Variants in ZNF808 observed in about 807,000 individuals in gnomAD.
ZNF808 encodes the protein zinc finger protein 808.
In ZNF808, 5 loss-of-function variants were observed where a neutral mutation model predicts 8.7. That is an observed-to-expected ratio of 0.58 (90% confidence interval 0.30 to 1.21). ZNF808 has a LOEUF of 1.21. Among genes scored for constraint, ZNF808 ranks in the 50% most tolerant of loss-of-function variants. ZNF808 has a pLI of 0.07. For missense variants in ZNF808, 1,103 were observed against 1,098.4 expected (o/e 1.00, Z -0.06); for synonymous variants, 380 against 366.0 (o/e 1.04, Z -0.44).
intron 2 of ZNF808, among the ~76,000 whole-genome samples, chr19:52,533,518 G>A (rs2059578141): frequency 6.6e-6 from 1 of 151,556 alleles, no homozygotes; most frequent in South Asian, 2.1e-4. Context: ...GAGCCACTGC[G>A]CCCGGCCCAG....
chr19:52,528,219 C>T (rs2059528163), intron 1 of ZNF808, among the ~76,000 whole-genome samples: 1 of 152,182 alleles, frequency 6.6e-6, no homozygotes, highest in South Asian at 2.1e-4. Flanking sequence ...GGTCTCTCCT[C>T]CGCAGTCACC....
chr19:52,533,260 C>T (rs993775060), intron 2 of ZNF808, among the ~76,000 whole-genome samples: 5 of 152,094 alleles, frequency 3.3e-5, no homozygotes, highest in Middle Eastern at 3.4e-3. Flanking sequence ...CAGTTTCGCT[C>T]TTGTTGCCCA....
At chr19:52,535,194 C>T (rs2059593784) in intron 2 of ZNF808, among the ~76,000 whole-genome samples, 1 of 151,288 alleles carries the variant, frequency 6.6e-6, no homozygotes, top group South Asian at 2.1e-4. Context: ...AGCCGAGCGT[C>T]GTGGTGGGCG....
downstream of ZNF808, among the ~76,000 whole-genome samples, chr19:52,558,599 T>G (rs1250293860): frequency 3.3e-5 from 5 of 151,884 alleles, no homozygotes; most frequent in East Asian, 1.9e-4. Flanking sequence ...CTTGAACTCC[T>G]GACCTCGTGA....
intron 2 of ZNF808, among the ~76,000 whole-genome samples, chr19:52,538,086 C>T (rs994860780): frequency 6.6e-6 from 1 of 152,144 alleles, no homozygotes; most frequent in Non-Finnish European, 1.5e-5. Flanking sequence ...TCTACTCTAA[C>T]TGCAGCCTCG....
chr19:52,539,184 A>ATTTTTTTTTTTTT (rs3049209), intron 2 of ZNF808, among the ~76,000 whole-genome samples: 1 of 117,754 alleles, frequency 8.5e-6, no homozygotes. Context: ...TCTTCATTTC[A>ATTTTTTTTTTTTT]TTTTTTTTTT....
intron 4 of ZNF808, among the ~76,000 whole-genome samples, chr19:52,551,361 A>G (rs11667102): frequency 0.05 from 7,651 of 151,940 alleles, 263 homozygotes; most frequent in Non-Finnish European, 0.075. Context: ...GCCACCAAAA[A>G]AAAAAAAAAA....
At chr19:52,544,065 A>G (rs1464236748) in intron 3 of ZNF808, among the ~76,000 whole-genome samples, 1 of 152,108 alleles carries the variant, frequency 6.6e-6, no homozygotes, top group Non-Finnish European at 1.5e-5. Flanking sequence ...AGGCTGAGGT[A>G]GGAGAATCAC....
chr19:52,544,541 T>C (rs975530279), intron 3 of ZNF808, among the ~76,000 whole-genome samples: 21 of 152,118 alleles, frequency 1.4e-4, no homozygotes, highest in African/African-American at 4.6e-4. Flanking sequence ...ATGTTCGTTA[T>C]GCTGATCTGG....
chr19:52,549,681 A>G (rs373535121), intron 4 of ZNF808, among the ~76,000 whole-genome samples: 6 of 151,842 alleles, frequency 4.0e-5, no homozygotes, highest in African/African-American at 1.5e-4. Context: ...CTACATGCCC[A>G]TTACTTCCTG....
At chr19:52,527,971 T>A (rs1308221971) in intron 1 of ZNF808, 1 of 152,424 alleles carries the variant, frequency 6.6e-6, no homozygotes, top group Non-Finnish European at 1.5e-5. Flanking sequence ...CTCAAAACCT[T>A]CTTCTGACTC....
chr19:52,558,286 T>C (rs951698959), downstream of ZNF808, among the ~76,000 whole-genome samples: 5 of 150,938 alleles, frequency 3.3e-5, no homozygotes, highest in Non-Finnish European at 7.4e-5. Context: ...CTGGTCTCGA[T>C]CTCCTGACCT....
Position 52,530,392 on chromosome 19 carries a change from G to C in ZNF808, c.-121-2516G>C, listed in dbSNP as rs565215863. On this transcript the variant is annotated intron_variant, in intron 1 of 4. Coordinates refer to ENST00000359798, the MANE Select transcript of ZNF808 (RefSeq NM_001039886.4). ...GTTTTTAAAAGGGACATCAAGGCAT[G>C]GTGGCTCACGCCTGTAATCCCAGCA... is the stretch of plus-strand genomic sequence containing the variant. Among the ~76,000 whole-genome samples the C allele has an allele frequency of 2.8e-4, 42 of 152,256 alleles. 1 individual carries two copies. The highest frequency in any genetic ancestry group is 2.0e-3 in the Admixed American group (31 of 15,308).
chr19:52,535,289 C>CA (rs2059594938), intron 2 of ZNF808, among the ~76,000 whole-genome samples: 1 of 137,502 alleles, frequency 7.3e-6, no homozygotes, highest in Non-Finnish European at 1.5e-5. Flanking sequence ...CAAAATCGTG[C>CA]CACTGCACTC....
chr19:52,555,582 C>G lies in ZNF808; in HGVS notation c.2666C>G (p.Thr889Arg). ...ECGKAFSDRSTLIHHQAIHGI... is the reference protein window; with the variant it reads ...ECGKAFSDRSRLIHHQAIHGI... Reference sequence around the variant, plus strand: ...GGCAAAGCCTTTAGTGACCGGTCAACACTTATTCACCATCAGGCAATTCAT... The same window carrying G: ...GGCAAAGCCTTTAGTGACCGGTCAAGACTTATTCACCATCAGGCAATTCAT... Residue 889 changes from threonine (T) to arginine (R), a missense_variant, in exon 5 of 5, where the codon ACA (threonine) becomes AGA (arginine). Physicochemically the swap from Thr to Arg is moderately conservative, Grantham distance 71. Transcript: ENST00000359798. 6.2e-7 allele frequency: 1 copy of G among 1,611,036 alleles called. No homozygotes were observed. The highest frequency in any genetic ancestry group is 1.3e-5 in the African/African-American group (1 of 74,854).
Position 52,553,788 on chromosome 19 carries a change from A to T in ZNF808, c.872A>T (p.Glu291Val). The change falls in exon 5 of 5, where the codon GAG becomes GTG. Residue 291 changes from glutamate (E) to valine (V), a missense_variant. By Grantham distance (121) the Glu-to-Val change is moderately radical. Transcript: ENST00000359798. ...GGAGAGAAACCTTACAAGTGTAAAGAGTGTGGAAAGTCCTTCAGTTACAAG... is the reference window on the plus strand; with the variant it reads ...GGAGAGAAACCTTACAAGTGTAAAGTGTGTGGAAAGTCCTTCAGTTACAAG... ...HTGEKPYKCK[E>V]CGKSFSYKSS... 1 of 1,614,150 alleles carries T rather than the reference A, an allele frequency of 6.2e-7. No individual in the cohort carries two copies. The highest frequency in any genetic ancestry group is 8.5e-7 in the Non-Finnish European group (1 of 1,180,018).
In ZNF808 at chr19:52,540,330, T is replaced by A. The variant is rs375588731; in HGVS notation, c.-19-2936T>A. ...TGTCCTCATTGTTTTCAAAGTATGA[T>A]ATATTTTCAAATATTTCTCCTTTGG... On this transcript the variant is annotated intron_variant, in intron 2 of 4. Transcript: ENST00000359798. 3.9e-5 allele frequency among the ~76,000 whole-genome samples: 6 copies of A among 152,220 alleles called. No individual in the cohort carries two copies. The East Asian group carries it at 5.8e-4, about 15-fold the overall frequency.
intron 3 of ZNF808, among the ~76,000 whole-genome samples, chr19:52,562,088 TC>T: frequency 6.6e-6 from 1 of 152,250 alleles, no homozygotes; most frequent in Middle Eastern, 3.4e-3. Context: ...GGTGGGTAGA[TC>T]ACTTGAGGTC....
intron 3 of ZNF808, among the ~76,000 whole-genome samples, chr19:52,546,302 C>G (rs1184550044): frequency 6.6e-6 from 1 of 151,862 alleles, no homozygotes; most frequent in Non-Finnish European, 1.5e-5. Flanking sequence ...ATTCTCCAGC[C>G]TCAGCCTCCC....
Sources: gnomAD v4.1 joint callset for allele counts (sites outside exome capture counted in the v4.1 genomes callset) on GRCh38, gnomAD v4.1.1 for gene constraint, MANE v1.5 for transcripts, NCBI Gene and HGNC (gene_info 2026-07-23, HGNC 2026-07-21) for gene names.